The following FBN2 variants were observed in gnomAD, a reference collection of about 807,000 sequenced individuals.
FBN2 encodes fibrillin 2, also known as fibrillin-2.
Under a neutral mutation model 355.6 loss-of-function variants are expected in FBN2, and 105 were observed. That is an observed-to-expected ratio of 0.30 (90% confidence interval 0.25 to 0.35). The LOEUF (loss-of-function observed/expected upper bound fraction) is 0.35. Ranked by LOEUF, FBN2 falls within the 10% of genes least tolerant of loss-of-function variation. The probability of loss-of-function intolerance (pLI) is 1.00; values close to 1 mark genes in which losing one functional copy is unlikely to be tolerated. For missense variants in FBN2, 3,280 were observed against 3,758.7 expected (o/e 0.87, Z 3.33); for synonymous variants, 1,350 against 1,301.2 (o/e 1.04, Z -0.81).
chr5:128,324,676 G>C (rs1329720010), intron 34 of FBN2, among the ~76,000 whole-genome samples: 1 of 149,930 alleles, frequency 6.7e-6, no homozygotes, highest in Non-Finnish European at 1.5e-5. Flanking sequence ...GGAGTGCAGT[G>C]GCGTGATCTC....
chr5:128,272,817 A>T (rs1229014630), intron 61 of FBN2, among the ~76,000 whole-genome samples: 1 of 152,150 alleles, frequency 6.6e-6, no homozygotes, highest in Non-Finnish European at 1.5e-5. Flanking sequence ...ATTTACATGG[A>T]TAATTAATAA....
chr5:128,324,381 G>A (rs954909716), intron 34 of FBN2, among the ~76,000 whole-genome samples: 7 of 152,216 alleles, frequency 4.6e-5, no homozygotes, highest in East Asian at 3.9e-4. Context: ...TGATGTTAGC[G>A]TGTTGATTTT....
intron 49 of FBN2, among the ~76,000 whole-genome samples, 185 bp from the exon 50 acceptor site, chr5:128,291,069 T>C (rs1480610729): frequency 6.6e-6 from 1 of 152,240 alleles, no homozygotes; most frequent in Admixed American, 6.5e-5. Flanking sequence ...AATTATTTAA[T>C]ATGCTTAAAA....
At chr5:128,370,525 G>C (rs1462602123) in intron 15 of FBN2, among the ~76,000 whole-genome samples, 1 of 152,134 alleles carries the variant, frequency 6.6e-6, no homozygotes, top group Non-Finnish European at 1.5e-5. Flanking sequence ...AGAGAAACTT[G>C]TGCTGCCTCT....
At chr5:128,279,064 A>G (rs1454752471) in intron 56 of FBN2, among the ~76,000 whole-genome samples, 1 of 152,204 alleles carries the variant, frequency 6.6e-6, no homozygotes, top group Non-Finnish European at 1.5e-5. Flanking sequence ...TACTTTAGAA[A>G]TAGATAGATT....
intron 34 of FBN2, 36 bp from the exon 35 acceptor site, chr5:128,319,037 G>A (rs760258772): frequency 6.5e-7 from 1 of 1,536,702 alleles, no homozygotes; most frequent in Non-Finnish European, 9.0e-7. Context: ...TCTTATTTAA[G>A]AAGACATTTT....
chr5:128,370,803 G>C (rs938168835), intron 15 of FBN2, among the ~76,000 whole-genome samples: 1 of 152,096 alleles, frequency 6.6e-6, no homozygotes, highest in African/African-American at 2.4e-5. Flanking sequence ...ATGTTATATG[G>C]TAGTTTGCAT....
intron 62 of FBN2, among the ~76,000 whole-genome samples, chr5:128,266,529 T>C (rs984975247): frequency 7.9e-5 from 12 of 152,176 alleles, no homozygotes; most frequent in African/African-American, 2.9e-4. Context: ...ACCATCTTGA[T>C]TTTAAGTCAG....
chr5:128,449,405 AT>A (rs1173580179), intron 6 of FBN2, among the ~76,000 whole-genome samples: 2 of 99,918 alleles, frequency 2.0e-5, no homozygotes, highest in Non-Finnish European at 3.9e-5. Flanking sequence ...ATACTGTATA[AT>A]TATATAGTAT....
chr5:128,342,541 C>T (rs1751051961), intron 25 of FBN2, among the ~76,000 whole-genome samples: 1 of 151,816 alleles, frequency 6.6e-6, no homozygotes, highest in Non-Finnish European at 1.5e-5. Context: ...ATATTTTGAA[C>T]CTGTGTATAA....
chr5:128,515,273 G>A (rs540295985), intron 5 of FBN2, among the ~76,000 whole-genome samples: 1 of 152,158 alleles, frequency 6.6e-6, no homozygotes, highest in African/African-American at 2.4e-5. Context: ...TAATTAAAGA[G>A]TTTATAATTA....
At chr5:128,397,898 C>T (rs1219177573) in intron 8 of FBN2, among the ~76,000 whole-genome samples, 2 of 152,010 alleles carry the variant, frequency 1.3e-5, no homozygotes, top group Non-Finnish European at 2.9e-5. Context: ...CAGAAAACTC[C>T]CTCGTAAGGT....
intron 23 of FBN2, among the ~76,000 whole-genome samples, chr5:128,346,079 C>A (rs2126915162): frequency 6.6e-6 from 1 of 151,820 alleles, no homozygotes; most frequent in South Asian, 2.1e-4. Context: ...TTTCTCCTGC[C>A]AACTTTACCT....
At chr5:128,334,342 G>A (rs1284138699) in intron 31 of FBN2, among the ~76,000 whole-genome samples, 1 of 152,078 alleles carries the variant, frequency 6.6e-6, no homozygotes. Flanking sequence ...GAGGTAAATG[G>A]CAACCGGGAT....
chr5:128,287,209 A>G, intron 54 of FBN2, 99 bp downstream of exon 54: 1 of 1,349,880 alleles, frequency 7.4e-7, no homozygotes, highest in Non-Finnish European at 1.1e-6. Context: ...ATATTTCTGT[A>G]AAGCTCTAGA....
At chr5:128,388,871 G>A (rs1159266822) in intron 11 of FBN2, among the ~76,000 whole-genome samples, 1 of 152,152 alleles carries the variant, frequency 6.6e-6, no homozygotes, top group Non-Finnish European at 1.5e-5. Context: ...TCCTGAATTT[G>A]AATATTGCCT....
intron 7 of FBN2, among the ~76,000 whole-genome samples, chr5:128,424,556 T>C (rs1753437198): frequency 6.7e-6 from 1 of 149,764 alleles, no homozygotes; most frequent in South Asian, 2.2e-4. Context: ...TTTACTATAG[T>C]ACAATATATA....
intron 7 of FBN2, among the ~76,000 whole-genome samples, chr5:128,429,956 C>T (rs1581286492): frequency 6.6e-6 from 1 of 152,156 alleles, no homozygotes. Context: ...TCAAGCACTA[C>T]AAATCTGTTG....
In FBN2 at chr5:128,376,749, T is replaced by G. The variant is rs749765413; in HGVS notation, c.1954A>C (p.Asn652His). 9 of 1,613,744 alleles carry G rather than the reference T, an allele frequency of 5.6e-6. No homozygotes were observed. The highest frequency in any genetic ancestry group is 7.6e-6 in the Non-Finnish European group (9 of 1,179,724). The stretch of plus-strand genomic sequence containing the variant: ...CACATACCAGTACAGTAACGCCCAT[T>G]TGGAGCCAAGACAAATCCTGGTTTG... ...ICKPGFVLAP[N>H]GRYCTDVDEC... Residue 652 changes from asparagine to histidine, a missense_variant, in exon 14 of 65, where the codon AAT (asparagine) becomes CAT (histidine). Asn to His is a moderately conservative substitution (Grantham distance 68, BLOSUM62 1). This residue lies in a region of FBN2 where 2,284 missense variants were observed against 2,749.5 expected (regional missense o/e 0.83). Coordinates refer to ENST00000262464, the MANE Select transcript of FBN2 (RefSeq NM_001999.4).
Sources: allele counts gnomAD v4.1 joint callset (sites outside exome capture counted in the v4.1 genomes callset), GRCh38; gene constraint gnomAD v4.1.1; regional missense constraint gnomAD v4.1.1; transcripts MANE v1.5; gene names NCBI Gene and HGNC (gene_info 2026-07-23, HGNC 2026-07-21).